Variants in COPB2 observed in about 807,000 individuals in gnomAD.
COPB2 encodes the protein coatomer subunit beta'.
A neutral mutation model predicts 120.8 loss-of-function variants in COPB2; 16 were observed. That is an observed-to-expected ratio of 0.13 (90% confidence interval 0.09 to 0.20). COPB2 has a LOEUF of 0.20. COPB2 is among the 10% of genes least tolerant of loss of function. The pLI, the probability that COPB2 is intolerant of heterozygous loss-of-function variation, is 1.00. For missense variants in COPB2, 794 were observed against 1,076.5 expected (o/e 0.74, Z 3.67); for synonymous variants, 332 against 366.3 (o/e 0.91, Z 1.07).
intron 15 of COPB2, among the ~76,000 whole-genome samples, chr3:139,364,155 CAGT>C (rs1941475120): frequency 6.6e-6 from 1 of 152,000 alleles, no homozygotes; most frequent in Non-Finnish European, 1.5e-5. Context: ...TTTGTTAAAA[CAGT>C]AGAGAAAACA....
intron 5 of COPB2, 23 bp from the exon 6 acceptor site, chr3:139,375,637 C>T: frequency 6.2e-7 from 1 of 1,611,340 alleles, no homozygotes; most frequent in Non-Finnish European, 8.5e-7. Context: ...ACAGCATCGG[C>T]CAGTCAATAT....
intron 3 of COPB2, 72 bp from the exon 4 acceptor site, chr3:139,379,245 T>C: frequency 6.4e-7 from 1 of 1,552,224 alleles, no homozygotes; most frequent in Non-Finnish European, 8.7e-7. Context: ...TATCACAGGC[T>C]CAAGGAATAA....
chr3:139,373,694 C>T lies in COPB2; in HGVS notation c.866G>A (p.Gly289Asp). 1 of 1,614,080 alleles carries T rather than the reference C, an allele frequency of 6.2e-7. No homozygotes were observed. Among genetic ancestry groups the T allele is most frequent in the Non-Finnish European group, 8.5e-7 (1 of 1,179,976 alleles). ...SLRGSNNVAL[G>D]YDEGSIIVKL... ...AACAATGATGCTCCCTTCATCATAG[C>T]CCAAAGCGACATTGTTTGACCCTCT... Residue 289 changes from glycine (G) to aspartate (D), a missense_variant, in exon 8 of 22, where the codon GGC (glycine) becomes GAC (aspartate). This residue lies in a region of COPB2 where 610 missense variants were observed against 866.7 expected (regional missense o/e 0.70). Transcript: ENST00000333188.
intron 1 of COPB2, among the ~76,000 whole-genome samples, chr3:139,386,914 G>GGCAGCCA (rs1941935560): frequency 6.6e-6 from 1 of 151,882 alleles, no homozygotes. Flanking sequence ...AAAAAGAACA[G>GGCAGCCA]GCAGCCAGGC....
Position 139,359,298 on chromosome 3 carries a change from G to T in COPB2, c.2275C>A (p.Arg759=), listed in dbSNP as rs779790878. The change falls in exon 18 of 22, where the codon CGA becomes AGA. Residue 759 remains arginine (R), a synonymous_variant. Coordinates refer to ENST00000333188, the MANE Select transcript of COPB2 (RefSeq NM_004766.3). ...GRLPEAAFLA[R]TYLPSQVSRV... is the part of the protein sequence containing the mutation. ...GAAACCTGACTGGGTAAGTAAGTTC[G>T]GGCCAAGAAGGCAGCTTCTGGCAGC... is the stretch of plus-strand genomic sequence containing the variant. 6.2e-7 allele frequency: 1 copy of T among 1,613,964 alleles called. No individual in the cohort carries two copies. The highest frequency in any genetic ancestry group is 8.5e-7 in the Non-Finnish European group (1 of 1,179,986).
In COPB2 at chr3:139,369,298, G is replaced by A; in HGVS notation, c.1364C>T (p.Thr455Ile). The A allele has an allele frequency of 6.2e-7, 1 of 1,613,536 alleles. No homozygotes were observed. Among genetic ancestry groups the A allele is most frequent in the East Asian group, 2.2e-5 (1 of 44,846 alleles). ...NGLAFYDWDN[T>I]ELIRRIEIQP... ...AATTTCAATTCTTCGTATGAGTTCT[G>A]TATTGTCCCAGTCATAGAAGGCTAA... The change falls in exon 12 of 22, where the codon ACA becomes ATA. Residue 455 changes from threonine (T) to isoleucine (I), a missense_variant. Thr to Ile is a moderately conservative substitution (Grantham distance 89, BLOSUM62 -1). Transcript: ENST00000333188.
chr3:139,369,419 A>T, intron 11 of COPB2, 37 bp downstream of exon 11: 1 of 1,605,988 alleles, frequency 6.2e-7, no homozygotes, highest in East Asian at 2.2e-5. Flanking sequence ...GCCATTACAA[A>T]GAATTTAAAA....
intron 15 of COPB2, among the ~76,000 whole-genome samples, chr3:139,364,593 A>C (rs1224990702): frequency 6.6e-6 from 1 of 152,200 alleles, no homozygotes; most frequent in African/African-American, 2.4e-5. Flanking sequence ...AAAAATACTA[A>C]AATGTCAACT....
At chr3:139,384,347 T>C (rs1022364458) in intron 1 of COPB2, among the ~76,000 whole-genome samples, 1 of 152,206 alleles carries the variant, frequency 6.6e-6, no homozygotes, top group Non-Finnish European at 1.5e-5. Context: ...CATTCACTAA[T>C]TTCACCACCT....
chr3:139,371,609 G>T, intron 10 of COPB2, 114 bp downstream of exon 10: 1 of 829,632 alleles, frequency 1.2e-6, no homozygotes, highest in East Asian at 2.5e-5. Context: ...GCTCTGGTGA[G>T]AACTGTTTTT....
At chr3:139,366,826 AAC>A in intron 14 of COPB2, 51 bp from the exon 15 acceptor site, 1 of 1,573,474 alleles carries the variant, frequency 6.4e-7, no homozygotes. Context: ...CAATTACACA[AAC>A]ACACACCCCG....
At chr3:139,362,931 C>T (rs1340980361) in intron 15 of COPB2, among the ~76,000 whole-genome samples, 1 of 152,208 alleles carries the variant, frequency 6.6e-6, no homozygotes, top group Non-Finnish European at 1.5e-5. Context: ...GTAATCTACT[C>T]AACTAGGCTG....
At chr3:139,374,701 AAAT>A (rs1233065677) in intron 6 of COPB2, 113 bp from the exon 7 acceptor site, 3 of 670,170 alleles carry the variant, frequency 4.5e-6, no homozygotes, top group Non-Finnish European at 6.9e-6. Flanking sequence ...ATGAAAATCT[AAAT>A]AATATCCAAT....
rs1941310222 is a variant in COPB2, at chr3:139,357,468, T to C, written c.*395A>G. 5.4e-6 allele frequency: 1 copy of C among 183,602 alleles called. No individual in the cohort carries two copies. The allele number at this position is 183,602 out of a possible 1,614,324, so 11.4% of individuals were successfully genotyped here. ...AAATGTGATTGACAACATTTGAAAA[T>C]GCAGATTTAGTTATACAAAGAAAAG... On this transcript the variant is annotated 3_prime_UTR_variant, in exon 22 of 22. Transcript: ENST00000333188.
At chr3:139,367,649 GA>G (rs543848722) in intron 13 of COPB2, among the ~76,000 whole-genome samples, 3 of 147,874 alleles carry the variant, frequency 2.0e-5, no homozygotes, top group African/African-American at 7.5e-5. Context: ...GCTCAAAACA[GA>G]AAAAAAAACA....
rs185591728 is a variant in COPB2 at position 139,368,152 on chromosome 3, G to C, written c.1538C>G (p.Ala513Gly). 725 of 1,612,406 alleles carry C rather than the reference G, an allele frequency of 4.5e-4. 4 individuals carry two copies. Among genetic ancestry groups the C allele is most frequent in the African/African-American group, 1.6e-4 (12 of 74,934 alleles). ...TTGTGCTGATGCAATTACCTCAAAG[G>C]CATCTTCAATGCCATCTTCAGTAAC... is the stretch of plus-strand genomic sequence containing the variant. ...EGVTEDGIED[A>G]FEVLGEIQEI... The change falls in exon 13 of 22, where the codon GCC (alanine) becomes GGC (glycine). Residue 513 changes from alanine to glycine, a missense_variant. This residue lies in a region of COPB2 where 610 missense variants were observed against 866.7 expected (regional missense o/e 0.70). Coordinates refer to ENST00000333188, the MANE Select transcript of COPB2 (RefSeq NM_004766.3).
At chr3:139,383,169 A>G in intron 2 of COPB2, 129 bp downstream of exon 2, 1 of 1,053,732 alleles carries the variant, frequency 9.5e-7, no homozygotes, top group African/African-American at 1.6e-5. Flanking sequence ...TATTTAAAAT[A>G]CTTTGTACCA....
chr3:139,370,243 C>T (rs1941598341), intron 10 of COPB2, among the ~76,000 whole-genome samples: 1 of 152,174 alleles, frequency 6.6e-6, no homozygotes, highest in African/African-American at 2.4e-5. Flanking sequence ...ATGCCTGAAA[C>T]CTCAGATAGT....
At chr3:139,368,083 T>C (rs762610248) in intron 13 of COPB2, 62 bp downstream of exon 13, 3 of 1,544,822 alleles carry the variant, frequency 1.9e-6, no homozygotes, top group Non-Finnish European at 2.6e-6. Context: ...GTAAAGTCTG[T>C]TGTAAGAATA....
Sources: allele counts gnomAD v4.1 joint callset (sites outside exome capture counted in the v4.1 genomes callset), GRCh38; gene constraint gnomAD v4.1.1; regional missense constraint gnomAD v4.1.1; transcripts MANE v1.5; gene names NCBI Gene and HGNC (gene_info 2026-07-23, HGNC 2026-07-21).